Variants in PAAF1 observed in about 807,000 individuals in gnomAD.
PAAF1 encodes proteasomal ATPase-associated factor 1.
PAAF1 carries 46 observed loss-of-function variants against 52.8 expected under a neutral mutation model. The observed-to-expected ratio is 0.87, with a 90% CI of 0.69 to 1.11. The LOEUF (loss-of-function observed/expected upper bound fraction) is 1.11. Among genes scored for constraint, PAAF1 ranks in the 50% most tolerant of loss-of-function variants. The pLI is 0.00. For missense variants in PAAF1, 424 were observed against 477.4 expected (o/e 0.89, Z 1.04); for synonymous variants, 178 against 172.8 (o/e 1.03, Z -0.24).
At chr11:73,916,276 T>C (rs1423509803) in intron 8 of PAAF1, among the ~76,000 whole-genome samples, 3 of 152,100 alleles carry the variant, frequency 2.0e-5, no homozygotes, top group African/African-American at 7.2e-5. Flanking sequence ...TGTGAGACAG[T>C]GTGTTGAGTG....
chr11:73,877,269 A>C, intron 1 of PAAF1: 1 of 444,458 alleles, frequency 2.2e-6, no homozygotes, highest in South Asian at 6.8e-5. Flanking sequence ...CCAAGGGAGC[A>C]CATGAGCTGT....
In PAAF1 at chr11:73,927,416, T is replaced by C; in HGVS notation, c.*54T>C. On this transcript the variant is annotated 3_prime_UTR_variant, in exon 12 of 12. Transcript: ENST00000310571. Reference sequence around the variant, plus strand: ...GAAAAGGTTTGACCCTGATCAACAATGAGCAGAAACATCATCAGTCCTTCC... The same window carrying C: ...GAAAAGGTTTGACCCTGATCAACAACGAGCAGAAACATCATCAGTCCTTCC... The C allele has an allele frequency of 7.0e-7, 1 of 1,425,400 alleles. No individual in the cohort carries two copies. The highest frequency in any genetic ancestry group is 9.9e-7 in the Non-Finnish European group (1 of 1,011,644). The allele number at this position is 1,425,400 out of a possible 1,614,324, so 88.3% of individuals were successfully genotyped here.
Position 73,926,042 on chromosome 11 carries a change from C to CT in PAAF1, c.1102-1235dup, listed in dbSNP as rs199668144. Among the ~76,000 whole-genome samples, 315 of 151,968 alleles carry CT rather than the reference C, an allele frequency of 2.1e-3. 2 individuals are homozygous for CT. Among genetic ancestry groups the CT allele is most frequent in the African/African-American group, 7.1e-3 (294 of 41,454 alleles). ...ACTATCTCTATATATTGCCCTGTGA[C>CT]TTTTTTTTAATTACCATCTTAGAGC... On this transcript the variant is annotated intron_variant, in intron 11 of 11. Transcript: ENST00000310571.
intron 4 of PAAF1, among the ~76,000 whole-genome samples, chr11:73,897,850 T>A (rs1352888543): frequency 6.7e-6 from 1 of 149,692 alleles, no homozygotes; most frequent in Admixed American, 6.6e-5. Context: ...GTGGAGGTTG[T>A]AGCGAGCCGA....
Position 73,919,036 on chromosome 11 carries a change from G to T in PAAF1, c.1018+4G>T, listed in dbSNP as rs1156878632. On this transcript the variant is annotated splice_donor_region_variant and intron_variant, in intron 10 of 11. Coordinates refer to ENST00000310571, the MANE Select transcript of PAAF1 (RefSeq NM_025155.3). ...GATGGATTCATTGCTAGCCAAGGTG[G>T]GTCCATGGGCCAATTGAGAGAGATG... 2 of 1,610,846 alleles carry T rather than the reference G, an allele frequency of 1.2e-6. No individual in the cohort carries two copies. Among genetic ancestry groups the T allele is most frequent in the East Asian group, 2.2e-5 (1 of 44,810 alleles).
intron 4 of PAAF1, among the ~76,000 whole-genome samples, chr11:73,897,151 C>T: frequency 7.0e-6 from 1 of 142,940 alleles, no homozygotes; most frequent in Non-Finnish European, 1.5e-5. Flanking sequence ...GCGCCCCTCA[C>T]CTCCCGGACG....
intron 2 of PAAF1, among the ~76,000 whole-genome samples, chr11:73,884,571 A>G (rs1169824778): frequency 6.6e-6 from 1 of 152,238 alleles, no homozygotes; most frequent in Non-Finnish European, 1.5e-5. Flanking sequence ...ATGATGCACC[A>G]TGAGGGCCAG....
rs1001832164 is a variant in PAAF1 at position 73,928,727 on chromosome 11, T to A, written c.*1365T>A. The stretch of plus-strand genomic sequence containing the variant: ...GGTAATAATGTTGTTGACAGAGTTC[T>A]TTTTTTTGTTTTTTTTGAGACGGAG... On this transcript the variant is annotated 3_prime_UTR_variant, in exon 12 of 12. Transcript: ENST00000310571. The A allele has an allele frequency of 6.6e-6, 1 of 151,942 alleles. No homozygotes were observed. Among genetic ancestry groups the A allele is most frequent in the Admixed American group, 6.6e-5 (1 of 15,260 alleles). The allele number at this position is 151,942 out of a possible 1,614,324, so 9.4% of individuals were successfully genotyped here.
At chr11:73,902,807 C>T (rs1260556164) in intron 6 of PAAF1, among the ~76,000 whole-genome samples, 1 of 152,204 alleles carries the variant, frequency 6.6e-6, no homozygotes, top group Non-Finnish European at 1.5e-5. Context: ...AGCAATTCTC[C>T]TGCCGCAGCC....
At chr11:73,909,880 A>G (rs1697365735) in intron 7 of PAAF1, among the ~76,000 whole-genome samples, 2 of 152,310 alleles carry the variant, frequency 1.3e-5, no homozygotes, top group South Asian at 4.1e-4. Context: ...CCTGGGCCAC[A>G]TTGGAAGACT....
Position 73,899,153 on chromosome 11 carries a change from G to T in PAAF1, c.290G>T (p.Cys97Phe). 2.5e-6 allele frequency: 4 copies of T among 1,613,174 alleles called. No individual in the cohort carries two copies. The highest frequency in any genetic ancestry group is 3.4e-6 in the Non-Finnish European group (4 of 1,179,180). ...FSRIHTKSIT[C>F]LDISSRGGLG... is the part of the protein sequence containing the mutation. ...TGTTTTCTCTTTGAACAGATAACAT[G>T]CCTGGACATTTCCAGCAGAGGAGGT... Residue 97 changes from cysteine (C) to phenylalanine (F), a missense_variant, in exon 5 of 12, where the codon TGC (cysteine) becomes TTC (phenylalanine). Coordinates refer to ENST00000310571, the MANE Select transcript of PAAF1 (RefSeq NM_025155.3).
In PAAF1 at chr11:73,929,626, A is replaced by C. The variant is rs1854064437; in HGVS notation, c.*2264A>C. On this transcript the variant is annotated 3_prime_UTR_variant, in exon 12 of 12. Transcript: ENST00000310571. ...TGTAATCACAGGCAGGTAGCAAGAG[A>C]CTTTTGTGACTAGAGCAATTTCATT... 1 of 152,230 alleles carries C rather than the reference A, an allele frequency of 6.6e-6. No homozygotes were observed. Among genetic ancestry groups the C allele is most frequent in the Non-Finnish European group, 1.5e-5 (1 of 68,052 alleles). 9.4% of individuals were successfully genotyped at this position (152,230 alleles called of 1,614,324 possible). A position where few individuals can be genotyped will look rare whatever the true frequency, so the allele number is the denominator to read the frequency against.
intron 9 of PAAF1, among the ~76,000 whole-genome samples, chr11:73,917,433 A>C (rs990810850): frequency 1.3e-5 from 2 of 152,152 alleles, no homozygotes; most frequent in Admixed American, 1.3e-4. Flanking sequence ...AGAATCACAC[A>C]ATCTCTCTGT....
intron 10 of PAAF1, chr11:73,921,875 G>T (rs906013060): frequency 2.7e-6 from 3 of 1,119,886 alleles, no homozygotes; most frequent in Admixed American, 1.8e-5. Flanking sequence ...GGTTCTCCAG[G>T]AATGGGAAAG....
chr11:73,903,300 G>A (rs1949673239), intron 6 of PAAF1, among the ~76,000 whole-genome samples: 1 of 152,194 alleles, frequency 6.6e-6, no homozygotes, highest in African/African-American at 2.4e-5. Flanking sequence ...AATCAGGATT[G>A]ATCTCTGATA....
chr11:73,896,916 C>T (rs1261478961), intron 4 of PAAF1, among the ~76,000 whole-genome samples: 1 of 150,150 alleles, frequency 6.7e-6, no homozygotes, highest in Non-Finnish European at 1.5e-5. Flanking sequence ...GGCGGCTGGC[C>T]GGACGGGGGG....
At chr11:73,927,235 A>C (rs751389405) in intron 11 of PAAF1, 50 bp from the exon 12 acceptor site, 1 of 1,427,986 alleles carries the variant, frequency 7.0e-7, no homozygotes, top group Non-Finnish European at 9.9e-7. Context: ...CATCTTTTTG[A>C]AATGGAAGAA....
intron 2 of PAAF1, 97 bp downstream of exon 2, chr11:73,878,916 C>A (rs1565122049): frequency 8.6e-7 from 1 of 1,159,578 alleles, no homozygotes; most frequent in Non-Finnish European, 1.3e-6. Context: ...AGCCTCCTTA[C>A]ATAATAGTCT....
At chr11:73,909,200 T>A (rs185342726) in intron 6 of PAAF1, among the ~76,000 whole-genome samples, 199 bp from the exon 7 acceptor site, 18 of 152,350 alleles carry the variant, frequency 1.2e-4, no homozygotes, top group African/African-American at 4.1e-4. Flanking sequence ...TCCATGCCTG[T>A]CTTTCACAGC....
Sources: allele counts gnomAD v4.1 joint callset (sites outside exome capture counted in the v4.1 genomes callset), GRCh38; gene constraint gnomAD v4.1.1; transcripts MANE v1.5; gene names NCBI Gene and HGNC (gene_info 2026-07-23, HGNC 2026-07-21).